Variants in STXBP5L observed in about 807,000 individuals in gnomAD.
STXBP5L encodes the protein syntaxin-binding protein 5-like.
STXBP5L carries 65 observed loss-of-function variants against 144.5 expected under a neutral mutation model. The ratio of observed to expected loss-of-function variants is 0.45; its 90% confidence interval spans 0.37 to 0.55. The LOEUF (loss-of-function observed/expected upper bound fraction) is 0.55, where lower values mean the gene tolerates loss of function less well. Ranked by LOEUF, STXBP5L falls within the 20% of genes least tolerant of loss-of-function variation. STXBP5L has a pLI of 0.00. For missense variants in STXBP5L, 1,298 were observed against 1,405.5 expected, an observed-to-expected ratio of 0.92 and a Z score of 1.22; for synonymous variants, 505 against 469.6, an observed-to-expected ratio of 1.08 and a Z score of -0.97.
intron 2 of STXBP5L, among the ~76,000 whole-genome samples, chr3:120,916,542 C>A (rs142560794): frequency 2.7e-3 from 410 of 152,220 alleles, no homozygotes; most frequent in Non-Finnish European, 4.7e-3. Flanking sequence ...CTCAGGTGAT[C>A]CGCCCACCCC....
intron 18 of STXBP5L, among the ~76,000 whole-genome samples, chr3:121,274,918 A>T (rs1302481134): frequency 1.3e-5 from 2 of 152,188 alleles, no homozygotes; most frequent in African/African-American, 4.8e-5. Flanking sequence ...AGCCCCAGTG[A>T]AAGTAGGTAA....
intron 20 of STXBP5L, among the ~76,000 whole-genome samples, chr3:121,344,282 A>C (rs1275457463): frequency 2.6e-5 from 4 of 152,166 alleles, no homozygotes; most frequent in Non-Finnish European, 5.9e-5. Context: ...ATTAGACCTA[A>C]AACCATGAAA....
rs576749563 is a variant in STXBP5L at position 121,092,424 on chromosome 3, G to C, written c.471-22501G>C. 3.9e-5 allele frequency among the ~76,000 whole-genome samples: 6 copies of C among 152,232 alleles called. No homozygotes were observed. In the East Asian group the frequency reaches 7.7e-4, roughly 20 times the overall value. On this transcript the variant is annotated intron_variant, in intron 5 of 26. Transcript: ENST00000471454. ...ATGAGCATGGAATGTTCTTCCATTT[G>C]TTTGTATCCTCTTTAAGTTCATTGA...
At chr3:120,961,770 A>C (rs1309395767) in intron 3 of STXBP5L, among the ~76,000 whole-genome samples, 1 of 152,068 alleles carries the variant, frequency 6.6e-6, no homozygotes, top group African/African-American at 2.4e-5. Context: ...ATGATTGATA[A>C]TCCTTTGGGT....
At chr3:120,959,849 G>A (rs1352460259) in intron 3 of STXBP5L, among the ~76,000 whole-genome samples, 1 of 152,062 alleles carries the variant, frequency 6.6e-6, no homozygotes, top group African/African-American at 2.4e-5. Context: ...GCATGGGCAA[G>A]GACTTCATGA....
At chr3:121,222,736 T>C (rs2049009778) in intron 10 of STXBP5L, among the ~76,000 whole-genome samples, 1 of 152,164 alleles carries the variant, frequency 6.6e-6, no homozygotes, top group East Asian at 1.9e-4. Flanking sequence ...CACATCTACC[T>C]TCCTCCAAGC....
intron 3 of STXBP5L, among the ~76,000 whole-genome samples, chr3:121,000,660 A>C (rs1943699245): frequency 6.6e-6 from 1 of 152,222 alleles, no homozygotes; most frequent in Non-Finnish European, 1.5e-5. Context: ...TGGGAAGCTA[A>C]TATGGTCATT....
At chr3:121,194,909 CTTTTTTTT>C (rs10717806) in intron 9 of STXBP5L, among the ~76,000 whole-genome samples, 2 of 68,480 alleles carry the variant, frequency 2.9e-5, no homozygotes, top group African/African-American at 1.2e-4. Flanking sequence ...TCTTTTCACT[CTTTTTTTT>C]TTTTTTTTTT....
rs780695803 is a variant in STXBP5L, at chr3:121,381,501, G to A, written c.2556G>A (p.Arg852=). ...SLNLPLADEQ[R]FTEPVMVLPS... ...ACCTACCATTAGCAGATGAACAAAG[G>A]TTTACAGAGCCAGTCATGGTATTGC... The change falls in exon 22 of 27, where the codon AGG becomes AGA. Residue 852 remains arginine (R), a synonymous_variant. Coordinates refer to ENST00000471454, the MANE Select transcript of STXBP5L (RefSeq NM_001308330.2). 8 of 1,594,268 alleles carry A rather than the reference G, an allele frequency of 5.0e-6. No homozygotes were observed. Among genetic ancestry groups the A allele is most frequent in the Non-Finnish European group, 6.8e-6 (8 of 1,174,504 alleles).
chr3:120,990,363 G>A (rs532882490), intron 3 of STXBP5L, among the ~76,000 whole-genome samples: 18 of 152,224 alleles, frequency 1.2e-4, no homozygotes, highest in South Asian at 4.1e-4. Context: ...AATCAATATC[G>A]TGAAAATGGC....
At chr3:120,955,611 G>T (rs1298555840) in intron 3 of STXBP5L, among the ~76,000 whole-genome samples, 1 of 151,962 alleles carries the variant, frequency 6.6e-6, no homozygotes, top group Non-Finnish European at 1.5e-5. Flanking sequence ...AGATGCACAT[G>T]TAGTTATAAG....
chr3:121,184,048 C>A (rs1474314112), intron 9 of STXBP5L, among the ~76,000 whole-genome samples: 1 of 151,870 alleles, frequency 6.6e-6, no homozygotes, highest in East Asian at 1.9e-4. Flanking sequence ...ACCCAAAAAC[C>A]CCATACAAAG....
intron 3 of STXBP5L, among the ~76,000 whole-genome samples, chr3:120,998,436 G>C (rs1332689607): frequency 6.6e-6 from 1 of 151,992 alleles, no homozygotes; most frequent in African/African-American, 2.4e-5. Context: ...AGAACGTGCA[G>C]GTTTGTTACA....
At chr3:121,135,899 C>T (rs1011341873) in intron 7 of STXBP5L, among the ~76,000 whole-genome samples, 1 of 152,204 alleles carries the variant, frequency 6.6e-6, no homozygotes, top group East Asian at 1.9e-4. Flanking sequence ...CAAGCCCCCA[C>T]TAATCCTCAG....
At chr3:121,108,809 T>G (rs2043837947) in intron 5 of STXBP5L, among the ~76,000 whole-genome samples, 1 of 152,206 alleles carries the variant, frequency 6.6e-6, no homozygotes, top group African/African-American at 2.4e-5. Context: ...GCTTTGTACC[T>G]CTGGTAGAAT....
chr3:120,991,485 A>T (rs1393357831), intron 3 of STXBP5L, among the ~76,000 whole-genome samples: 1 of 152,216 alleles, frequency 6.6e-6, no homozygotes, highest in Non-Finnish European at 1.5e-5. Context: ...TACTGGGTAT[A>T]TACCCAAAGG....
chr3:121,017,889 G>A (rs979896733), intron 3 of STXBP5L, among the ~76,000 whole-genome samples: 3 of 151,956 alleles, frequency 2.0e-5, no homozygotes, highest in African/African-American at 7.3e-5. Context: ...CTGGCCCGGG[G>A]CAATGTTGTG....
At chr3:121,277,027 T>C (rs1335072913) in intron 18 of STXBP5L, among the ~76,000 whole-genome samples, 1 of 152,040 alleles carries the variant, frequency 6.6e-6, no homozygotes, top group East Asian at 1.9e-4. Flanking sequence ...TAATTTCTGT[T>C]ATTTCTTCAA....
intron 23 of STXBP5L, among the ~76,000 whole-genome samples, chr3:121,409,781 T>G (rs1357688827): frequency 1.3e-5 from 2 of 151,770 alleles, no homozygotes; most frequent in Non-Finnish European, 2.9e-5. Flanking sequence ...CAGGGCAGAG[T>G]TGAATAGTTG....
Sources: allele counts gnomAD v4.1 joint callset (sites outside exome capture counted in the v4.1 genomes callset), GRCh38; gene constraint gnomAD v4.1.1; transcripts MANE v1.5; gene names NCBI Gene and HGNC (gene_info 2026-07-23, HGNC 2026-07-21).